Variants in PRKAR2B observed in about 807,000 individuals in gnomAD.
PRKAR2B encodes the protein protein kinase cAMP-dependent type II regulatory subunit beta, also known as cAMP-dependent protein kinase type II-beta regulatory subunit.
Under a neutral mutation model 49.9 loss-of-function variants are expected in PRKAR2B, and 14 were observed. That is an observed-to-expected ratio of 0.28 (90% CI 0.19 to 0.44). The LOEUF is 0.44. PRKAR2B is among the 20% of genes least tolerant of loss of function. PRKAR2B has a pLI of 1.00. For missense variants in PRKAR2B, 393 were observed against 537.9 expected (o/e 0.73, Z 2.67); for synonymous variants, 196 against 197.7 (o/e 0.99, Z 0.07).
intron 2 of PRKAR2B, among the ~76,000 whole-genome samples, chr7:107,099,512 C>T (rs777040221): frequency 9.2e-5 from 14 of 152,170 alleles, no homozygotes; most frequent in Admixed American, 2.6e-4. Flanking sequence ...ACCCACTGTC[C>T]GACAAGCCCA....
At chr7:107,053,122 C>T (rs771915663) in intron 1 of PRKAR2B, among the ~76,000 whole-genome samples, 1 of 152,226 alleles carries the variant, frequency 6.6e-6, no homozygotes, top group Non-Finnish European at 1.5e-5. Flanking sequence ...AGAGCCACCA[C>T]ACCCAGCCTA....
intron 5 of PRKAR2B, 108 bp from the exon 6 acceptor site, chr7:107,146,200 A>ATC (rs2115653761): frequency 8.7e-7 from 1 of 1,149,056 alleles, no homozygotes; most frequent in Non-Finnish European, 1.2e-6. Context: ...CGGAGGGGAT[A>ATC]ACAGGCTGGA....
rs536426622 is a variant in PRKAR2B, at chr7:107,059,139, T to A, written c.308-11142T>A. ...CCCATCTCTACTAAAAATACAAAAA[T>A]TAGCCGGATGTAATGGCACATGCCT... On this transcript the variant is annotated intron_variant, in intron 1 of 10. Transcript: ENST00000265717. 3.2e-4 allele frequency among the ~76,000 whole-genome samples: 49 copies of A among 152,210 alleles called. 1 individual carries two copies. In the South Asian group the frequency reaches 9.4e-3, roughly 29 times the overall value.
intron 2 of PRKAR2B, among the ~76,000 whole-genome samples, chr7:107,075,343 C>T (rs973123382): frequency 2.6e-5 from 4 of 151,714 alleles, no homozygotes; most frequent in Non-Finnish European, 2.9e-5. Flanking sequence ...CCTCGTGATC[C>T]GCCCACCTTG....
chr7:107,108,628 A>G (rs568164222), intron 2 of PRKAR2B, among the ~76,000 whole-genome samples: 36 of 152,252 alleles, frequency 2.4e-4, no homozygotes, highest in African/African-American at 8.4e-4. Flanking sequence ...ATCTGGGTGA[A>G]GGTTTCCCTC....
intron 2 of PRKAR2B, among the ~76,000 whole-genome samples, chr7:107,109,988 A>G (rs1795143469): frequency 6.6e-6 from 1 of 152,170 alleles, no homozygotes; most frequent in African/African-American, 2.4e-5. Flanking sequence ...TTTTAACTCT[A>G]TAGAACTGAA....
intron 5 of PRKAR2B, among the ~76,000 whole-genome samples, chr7:107,142,250 T>C (rs1795803253): frequency 6.6e-6 from 1 of 152,202 alleles, no homozygotes; most frequent in South Asian, 2.1e-4. Context: ...CAGTCGAGCA[T>C]GCTGTTTAAA....
At position 107,122,107 on chromosome 7, in the gene PRKAR2B, A is replaced by T. The variant is rs370113815; in HGVS notation, c.396+103A>T. On this transcript the variant is annotated intron_variant, in intron 3 of 10. Coordinates refer to ENST00000265717, the MANE Select transcript of PRKAR2B (RefSeq NM_002736.3). ...TAACAGGCATGTAGGTTAACAGGAGACATAATGGAATTATTTTGACTGTTT... is the reference window on the plus strand; with the variant it reads ...TAACAGGCATGTAGGTTAACAGGAGTCATAATGGAATTATTTTGACTGTTT... 5 of 649,646 alleles carry T rather than the reference A, an allele frequency of 7.7e-6. No individual in the cohort carries two copies. The African/African-American group carries it at 9.4e-5, about 12-fold the overall frequency. The allele number at this position is 649,646 out of a possible 1,614,324, so 40.2% of individuals were successfully genotyped here.
intron 1 of PRKAR2B, chr7:107,069,502 A>G (rs912469971): frequency 3.3e-5 from 5 of 152,196 alleles, no homozygotes; most frequent in African/African-American, 1.2e-4. Context: ...CTTTCTTTAT[A>G]TAACATGAGC....
At chr7:107,053,288 G>A (rs1028950259) in intron 1 of PRKAR2B, among the ~76,000 whole-genome samples, 2 of 152,032 alleles carry the variant, frequency 1.3e-5, no homozygotes, top group Non-Finnish European at 2.9e-5. Flanking sequence ...TGACTTATAT[G>A]TATGATAAAG....
intron 1 of PRKAR2B, among the ~76,000 whole-genome samples, chr7:107,062,266 G>A (rs765090483): frequency 1.3e-5 from 2 of 152,056 alleles, no homozygotes; most frequent in Non-Finnish European, 2.9e-5. Flanking sequence ...GAAAAGACAA[G>A]CACAAGACTG....
chr7:107,094,351 GT>G (rs946916059), intron 2 of PRKAR2B, among the ~76,000 whole-genome samples: 4 of 152,104 alleles, frequency 2.6e-5, no homozygotes, highest in Non-Finnish European at 4.4e-5. Flanking sequence ...TTTTGATGGG[GT>G]TTTTTGATTT....
At chr7:107,132,453 G>C (rs1022018409) in intron 4 of PRKAR2B, among the ~76,000 whole-genome samples, 4 of 152,168 alleles carry the variant, frequency 2.6e-5, no homozygotes, top group African/African-American at 9.7e-5. Flanking sequence ...GAGAAAAACA[G>C]GGGAAGCAGA....
chr7:107,095,652 C>G (rs979032299), intron 2 of PRKAR2B, among the ~76,000 whole-genome samples: 2 of 152,132 alleles, frequency 1.3e-5, no homozygotes, highest in African/African-American at 4.8e-5. Flanking sequence ...TCCTAGATAG[C>G]TCTTATTATT....
At chr7:107,079,517 T>C (rs1220116600) in intron 2 of PRKAR2B, 1 of 152,092 alleles carries the variant, frequency 6.6e-6, no homozygotes, top group Non-Finnish European at 1.5e-5. Context: ...GAATGAATGG[T>C]GCCCTTGAGT....
At chr7:107,112,770 T>C (rs1481899542) in intron 2 of PRKAR2B, among the ~76,000 whole-genome samples, 1 of 152,168 alleles carries the variant, frequency 6.6e-6, no homozygotes, top group East Asian at 1.9e-4. Context: ...GTCTGAATTG[T>C]ATTGTTTTGT....
intron 6 of PRKAR2B, among the ~76,000 whole-genome samples, chr7:107,147,434 G>A (rs1795914108): frequency 6.6e-6 from 1 of 152,228 alleles, no homozygotes; most frequent in Admixed American, 6.5e-5. Context: ...AGACTTAAAA[G>A]CTGGTTTAAA....
At chr7:107,055,329 G>A (rs938420491) in intron 1 of PRKAR2B, among the ~76,000 whole-genome samples, 4 of 152,200 alleles carry the variant, frequency 2.6e-5, no homozygotes, top group Non-Finnish European at 4.4e-5. Context: ...TATATACCCA[G>A]TAATGGGATG....
At chr7:107,059,848 C>G (rs1196949121) in intron 1 of PRKAR2B, among the ~76,000 whole-genome samples, 1 of 152,074 alleles carries the variant, frequency 6.6e-6, no homozygotes, top group African/African-American at 2.4e-5. Flanking sequence ...AATAATACTT[C>G]TAAGATTTTC....
Sources: allele counts gnomAD v4.1 joint callset (sites outside exome capture counted in the v4.1 genomes callset), GRCh38; gene constraint gnomAD v4.1.1; transcripts MANE v1.5; gene names NCBI Gene and HGNC (gene_info 2026-07-23, HGNC 2026-07-21).